The following UBLCP1 variants were observed in gnomAD, a reference collection of about 807,000 sequenced individuals.
UBLCP1 encodes the protein ubiquitin like domain containing CTD phosphatase 1.
UBLCP1 carries 28 observed loss-of-function variants against 42.4 expected under a neutral mutation model. The observed-to-expected ratio is 0.66, with a 90% confidence interval of 0.49 to 0.90. UBLCP1 has a LOEUF of 0.90. Among genes scored for constraint, UBLCP1 ranks in the 40% least tolerant of loss-of-function variants. The probability of loss-of-function intolerance (pLI) is 0.00; values close to 1 mark genes in which losing one functional copy is unlikely to be tolerated. For missense variants in UBLCP1, 279 were observed against 374.5 expected (o/e 0.75, Z 2.10); for synonymous variants, 122 against 120.8 (o/e 1.01, Z -0.07).
chr5:159,264,774 T>A (rs1753357029), intron 1 of UBLCP1, among the ~76,000 whole-genome samples: 1 of 152,168 alleles, frequency 6.6e-6, no homozygotes. Flanking sequence ...CCAAGTGAGG[T>A]CAATGCTGTT....
intron 10 of UBLCP1, among the ~76,000 whole-genome samples, chr5:159,284,044 C>G (rs940140560): frequency 2.0e-5 from 3 of 152,102 alleles, no homozygotes; most frequent in Non-Finnish European, 4.4e-5. Flanking sequence ...CCAAAAGAAA[C>G]TATTTGTGTA....
chr5:159,283,520 C>T (rs1753632230), intron 10 of UBLCP1, among the ~76,000 whole-genome samples, 181 bp downstream of exon 10: 1 of 152,036 alleles, frequency 6.6e-6, no homozygotes, highest in Non-Finnish European at 1.5e-5. Flanking sequence ...TCATCTTAAC[C>T]TCTAACTTGT....
intron 6 of UBLCP1, among the ~76,000 whole-genome samples, chr5:159,273,834 TCACACACACA>T (rs34999232): frequency 3.5e-4 from 52 of 148,568 alleles, no homozygotes; most frequent in African/African-American, 7.0e-4. Context: ...CTTTTAAAAA[TCACACACACA>T]CACACACACA....
Position 159,269,945 on chromosome 5 carries a change from C to G in UBLCP1, c.192C>G (p.Leu64=), listed in dbSNP as rs770137655. Residue 64 remains leucine, a synonymous_variant, in exon 3 of 11, where the codon CTC becomes CTG. Transcript: ENST00000296786. ...PAENDVKLGA[L]KLKPNTKIMM... is the part of the protein sequence containing the mutation. ...AAAATGATGTTAAGCTTGGAGCTCT[C>G]AAACTGAAACCAAATACTAAAATCA... The G allele has an allele frequency of 4.3e-6, 7 of 1,612,924 alleles. No homozygotes were observed. In the South Asian group the frequency reaches 7.7e-5, roughly 18 times the overall value.
chr5:159,277,741 G>A (rs1223076298), intron 8 of UBLCP1, among the ~76,000 whole-genome samples: 1 of 152,148 alleles, frequency 6.6e-6, no homozygotes, highest in African/African-American at 2.4e-5. Flanking sequence ...ATGCACCTGT[G>A]CCACTGAGTT....
At chr5:159,270,098 C>A in intron 3 of UBLCP1, 99 bp downstream of exon 3, 2 of 1,085,408 alleles carry the variant, frequency 1.8e-6, no homozygotes, top group South Asian at 1.6e-5. Flanking sequence ...AATTGTCAGT[C>A]TAGCAATCAA....
chr5:159,269,040 G>T lies in UBLCP1; in HGVS notation c.125G>T (p.Arg42Leu), dbSNP rs752453890. The change falls in exon 2 of 11, where the codon CGC becomes CTC. Residue 42 changes from arginine (R) to leucine (L), a missense_variant. Arg to Leu is a moderately radical substitution (Grantham distance 102). Transcript: ENST00000296786. ...LKTLTGVLPE[R>L]QKLLGLKVKG... ...ACCCTTACAGGAGTTCTTCCAGAACGCCAAAAGTTACTTGGACTCAAAGTT... is the reference window on the plus strand; with the variant it reads ...ACCCTTACAGGAGTTCTTCCAGAACTCCAAAAGTTACTTGGACTCAAAGTT... 1 of 1,588,160 alleles carries T rather than the reference G, an allele frequency of 6.3e-7. No individual in the cohort carries two copies. The highest frequency in any genetic ancestry group is 8.5e-7 in the Non-Finnish European group (1 of 1,170,572).
Position 159,285,141 on chromosome 5 carries a change from T to C in UBLCP1, c.*210T>C. ...GCTTGTCCCCTATATGAATATTCTG[T>C]TACGCTTGAAAAATATTTTCTCCAG... On this transcript the variant is annotated 3_prime_UTR_variant, in exon 11 of 11. Coordinates refer to ENST00000296786, the MANE Select transcript of UBLCP1 (RefSeq NM_145049.5). 1 of 533,176 alleles carries C rather than the reference T, an allele frequency of 1.9e-6. No homozygotes were observed. The allele number at this position is 533,176 out of a possible 1,614,324, so 33.0% of individuals were successfully genotyped here.
At chr5:159,281,445 G>A (rs540387162) in intron 9 of UBLCP1, among the ~76,000 whole-genome samples, 2 of 152,258 alleles carry the variant, frequency 1.3e-5, no homozygotes, top group East Asian at 1.9e-4. Flanking sequence ...CCTGTAAAGC[G>A]TCGTCTTCAG....
At chr5:159,281,325 AG>A (rs1753602995) in intron 9 of UBLCP1, among the ~76,000 whole-genome samples, 1 of 152,190 alleles carries the variant, frequency 6.6e-6, no homozygotes, top group South Asian at 2.1e-4. Context: ...AAGTGAATGA[AG>A]GAATACTTTA....
chr5:159,268,746 T>G, intron 1 of UBLCP1, 124 bp from the exon 2 acceptor site: 1 of 636,676 alleles, frequency 1.6e-6, no homozygotes, highest in South Asian at 2.4e-5. Context: ...CACTCCTGTA[T>G]GGACAAAAAT....
chr5:159,272,323 C>T (rs1753477691), intron 6 of UBLCP1, among the ~76,000 whole-genome samples: 1 of 151,984 alleles, frequency 6.6e-6, no homozygotes, highest in South Asian at 2.1e-4. Flanking sequence ...GTTAATTTAA[C>T]TATAGGACAT....
rs774490939 is a variant in UBLCP1 at position 159,275,208 on chromosome 5, A to G, written c.646A>G (p.Met216Val). 1 of 1,613,104 alleles carries G rather than the reference A, an allele frequency of 6.2e-7. No individual in the cohort carries two copies. The highest frequency in any genetic ancestry group is 1.3e-5 in the African/African-American group (1 of 74,896). Residue 216 changes from methionine to valine, a missense_variant, in exon 8 of 11, where the codon ATG becomes GTG. Physicochemically the swap from Met to Val is conservative, Grantham distance 21. Transcript: ENST00000296786. ...TACTTTCATGTTGGATAGTGCTGCT[A>G]TGATAACAGTACATACTCCAAGGAG... ...KITFMLDSAA[M>V]ITVHTPRRGL...
Position 159,283,273 on chromosome 5 carries a change from C to A in UBLCP1, c.863C>A (p.Thr288Asn). The A allele has an allele frequency of 6.2e-7, 1 of 1,606,448 alleles. No homozygotes were observed. Residue 288 changes from threonine (T) to asparagine (N), a missense_variant, in exon 10 of 11, where the codon ACT (threonine) becomes AAT (asparagine). Thr to Asn is a moderately conservative substitution (Grantham distance 65). Coordinates refer to ENST00000296786, the MANE Select transcript of UBLCP1 (RefSeq NM_145049.5). ...AAAGACAAAGAACTTTTAAAATTAACTCAGTACCTCAAGGAGATAGCAAAA... is the reference window on the plus strand; with the variant it reads ...AAAGACAAAGAACTTTTAAAATTAAATCAGTACCTCAAGGAGATAGCAAAA... ...RDKDKELLKL[T>N]QYLKEIAKLD...
Position 159,269,012 on chromosome 5 carries a change from A to G in UBLCP1, c.97A>G (p.Lys33Glu). ...DTVLDLKQFL[K>E]TLTGVLPERQ... ...TGTGCTCGATCTCAAACAGTTTCTC[A>G]AGACCCTTACAGGAGTTCTTCCAGA... The change falls in exon 2 of 11, where the codon AAG (lysine) becomes GAG (glutamate). Residue 33 changes from lysine (K) to glutamate (E), a missense_variant. Lys to Glu is a moderately conservative substitution (Grantham distance 56). Transcript: ENST00000296786. The G allele has an allele frequency of 6.2e-7, 1 of 1,610,974 alleles. No individual in the cohort carries two copies. The highest frequency in any genetic ancestry group is 8.5e-7 in the Non-Finnish European group (1 of 1,178,866).
rs201295619 is a variant in UBLCP1 at position 159,275,224 on chromosome 5, C to T, written c.662C>T (p.Thr221Ile). The part of the protein sequence containing the change: ...LDSAAMITVH[T>I]PRRGLIDVKP... ...AGTGCTGCTATGATAACAGTACATA[C>T]TCCAAGGAGAGGATTAATAGACGTA... Residue 221 changes from threonine (T) to isoleucine (I), a missense_variant, in exon 8 of 11, where the codon ACT becomes ATT. By Grantham distance (89) the Thr-to-Ile change is moderately conservative. Coordinates refer to ENST00000296786, the MANE Select transcript of UBLCP1 (RefSeq NM_145049.5). The T allele has an allele frequency of 1.7e-4, 273 of 1,612,512 alleles. 1 individual carries two copies. Among genetic ancestry groups the T allele is most frequent in the Non-Finnish European group, 5.1e-6 (6 of 1,179,502 alleles).
At chr5:159,274,524 A>AT (rs902196800) in intron 6 of UBLCP1, 61 bp from the exon 7 acceptor site, 204 of 1,478,574 alleles carry the variant, frequency 1.4e-4, no homozygotes, top group Non-Finnish European at 1.7e-4. Context: ...ACTTATACAG[A>AT]TTTTTTTTAA....
In UBLCP1 at chr5:159,283,212, A is replaced by C; in HGVS notation, c.802A>C (p.Ile268Leu). 1 of 1,603,870 alleles carries C rather than the reference A, an allele frequency of 6.2e-7. No homozygotes were observed. Among genetic ancestry groups the C allele is most frequent in the Non-Finnish European group, 8.5e-7 (1 of 1,176,410 alleles). Reference sequence around the variant, plus strand: ...TTGAGTAATGTTTGTTTCCTAATAGATAAGGCCTTTTATGAAAGCGCACCT... The same window carrying C: ...TTGAGTAATGTTTGTTTCCTAATAGCTAAGGCCTTTTATGAAAGCGCACCT... ...FLMNPQNGLK[I>L]RPFMKAHLNR... Residue 268 changes from isoleucine (I) to leucine (L), a missense_variant and splice_region_variant, in exon 10 of 11, where the codon ATA (isoleucine) becomes CTA (leucine). Physicochemically the swap from Ile to Leu is conservative, Grantham distance 5 (BLOSUM62 2). Coordinates refer to ENST00000296786, the MANE Select transcript of UBLCP1 (RefSeq NM_145049.5).
intron 2 of UBLCP1, 65 bp from the exon 3 acceptor site, chr5:159,269,843 A>G (rs1753441758): frequency 5.4e-6 from 7 of 1,287,760 alleles, no homozygotes; most frequent in Non-Finnish European, 7.8e-6. Context: ...AGGGTTTTAT[A>G]TAATGGAATA....
Sources: allele counts gnomAD v4.1 joint callset (sites outside exome capture counted in the v4.1 genomes callset), GRCh38; gene constraint gnomAD v4.1.1; transcripts MANE v1.5; gene names NCBI Gene and HGNC (gene_info 2026-07-23, HGNC 2026-07-21).